Variants in AIG1 observed in about 807,000 individuals in gnomAD.
AIG1 encodes the protein androgen-induced gene 1 protein.
AIG1 carries 23 observed loss-of-function variants against 31.4 expected under a neutral mutation model. That is an observed-to-expected ratio of 0.73 (90% CI 0.53 to 1.04). AIG1 has a LOEUF of 1.04. Ranked by LOEUF, AIG1 falls within the 50% of genes least tolerant of loss-of-function variation. The pLI is 0.00. For synonymous variants in AIG1, 100 were observed against 110.5 expected (o/e 0.90, Z 0.60); for missense variants, 274 against 295.0 (o/e 0.93, Z 0.52).
chr6:143,146,101 A>G (rs971471450), intron 2 of AIG1, among the ~76,000 whole-genome samples: 2 of 152,212 alleles, frequency 1.3e-5, no homozygotes, highest in Admixed American at 6.5e-5. Context: ...AGAGATTCAG[A>G]CAACGGGTTC....
chr6:143,296,900 G>A (rs1242845414), intron 4 of AIG1, among the ~76,000 whole-genome samples: 1 of 152,190 alleles, frequency 6.6e-6, no homozygotes, highest in East Asian at 1.9e-4. Context: ...GGTACATCTT[G>A]ACTGGTGACA....
rs1248596890 is a variant in AIG1 at position 143,331,615 on chromosome 6, T to A, written c.516-1667T>A. Among the ~76,000 whole-genome samples, 2 of 152,102 alleles carry A rather than the reference T, an allele frequency of 1.3e-5. No individual in the cohort carries two copies. The highest frequency in any genetic ancestry group is 2.9e-5 in the Non-Finnish European group (2 of 68,022). On this transcript the variant is annotated intron_variant, in intron 4 of 5. Transcript: ENST00000357847. This position sits in a 1 kb window ranked among gnomAD's most constrained non-coding sequence, Gnocchi z 4.1. ...TTGTTTGTTCACCTACTGATGTGTT[T>A]CTATATACATATATGTACATCTGTG...
chr6:143,338,186 AGCTGAGG>A lies in AIG1; in HGVS notation c.680-1452_680-1446del. 1 of 395,944 alleles carries A rather than the reference AGCTGAGG, an allele frequency of 2.5e-6. No individual in the cohort carries two copies. Among genetic ancestry groups the A allele is most frequent in the Non-Finnish European group, 4.4e-6 (1 of 224,860 alleles). The allele number at this position is 395,944 out of a possible 1,614,324, so 24.5% of individuals were successfully genotyped here. ...TCCACAGGAGAGGGAATATGGACAG[AGCTGAGG>A]TTCAAGACACATGTGCTGTTTGAGC... On this transcript the variant is annotated intron_variant, in intron 5 of 5. Coordinates refer to ENST00000357847, the MANE Select transcript of AIG1 (RefSeq NM_016108.4). This position sits in a 1 kb window ranked among gnomAD's most constrained non-coding sequence, Gnocchi z 4.3.
At chr6:143,296,224 T>G (rs894606258) in intron 4 of AIG1, among the ~76,000 whole-genome samples, 3 of 152,156 alleles carry the variant, frequency 2.0e-5, no homozygotes, top group Non-Finnish European at 4.4e-5. Flanking sequence ...TTCATTTAAA[T>G]TGCCAACTGA....
chr6:143,309,098 A>T (rs1775052552), intron 4 of AIG1, among the ~76,000 whole-genome samples: 1 of 152,098 alleles, frequency 6.6e-6, no homozygotes, highest in African/African-American at 2.4e-5. Context: ...ATCAGAAATC[A>T]TGCAAGCAAG....
intron 4 of AIG1, among the ~76,000 whole-genome samples, chr6:143,324,844 G>C (rs1776476002): frequency 1.3e-5 from 2 of 152,108 alleles, no homozygotes; most frequent in South Asian, 2.1e-4. Flanking sequence ...AAATAGAAAG[G>C]TGACATAGCT....
intron 3 of AIG1, among the ~76,000 whole-genome samples, chr6:143,174,486 CAAAAAAA>C (rs71024844): frequency 3.4e-5 from 2 of 59,660 alleles, no homozygotes; most frequent in South Asian, 5.2e-4. Flanking sequence ...GACTCCGTCT[CAAAAAAA>C]AAAAAAAAAA....
At chr6:143,311,396 C>T (rs1453650660) in intron 4 of AIG1, among the ~76,000 whole-genome samples, 1 of 151,402 alleles carries the variant, frequency 6.6e-6, no homozygotes, top group Non-Finnish European at 1.5e-5. Flanking sequence ...GCATGTACCC[C>T]ATAAATATAT....
intron 3 of AIG1, among the ~76,000 whole-genome samples, chr6:143,250,928 C>T (rs919018240): frequency 3.9e-5 from 6 of 152,198 alleles, no homozygotes; most frequent in Non-Finnish European, 7.4e-5. Flanking sequence ...AGATTAGACA[C>T]CTCTGCTCTA....
chr6:143,296,377 C>T (rs559458326), intron 4 of AIG1, among the ~76,000 whole-genome samples: 6 of 152,210 alleles, frequency 3.9e-5, no homozygotes, highest in Non-Finnish European at 8.8e-5. Flanking sequence ...ATCATAACCT[C>T]TTCATTTCCC....
intron 2 of AIG1, among the ~76,000 whole-genome samples, chr6:143,151,145 T>A (rs911552379): frequency 9.9e-5 from 15 of 152,058 alleles, no homozygotes; most frequent in African/African-American, 3.4e-4. Flanking sequence ...CATAGGAAAA[T>A]TTTAAAGGCA....
intron 3 of AIG1, among the ~76,000 whole-genome samples, chr6:143,259,368 T>C (rs769387006): frequency 1.3e-5 from 2 of 152,198 alleles, no homozygotes; most frequent in Non-Finnish European, 2.9e-5. Flanking sequence ...TCTCTCCTTT[T>C]ATTTTCTTCC....
intron 2 of AIG1, among the ~76,000 whole-genome samples, chr6:143,158,434 A>G (rs148220620): frequency 1.1e-4 from 16 of 152,280 alleles, no homozygotes; most frequent in African/African-American, 3.9e-4. Flanking sequence ...TGTTTCTTCC[A>G]TCAGTCTCCC....
chr6:143,214,952 A>G (rs1427784492), intron 3 of AIG1, among the ~76,000 whole-genome samples: 1 of 151,952 alleles, frequency 6.6e-6, no homozygotes, highest in South Asian at 2.1e-4. Context: ...GTACAAATAT[A>G]CCGTGGTGTG....
chr6:143,182,299 G>A (rs987129641), intron 3 of AIG1, among the ~76,000 whole-genome samples: 2 of 152,162 alleles, frequency 1.3e-5, no homozygotes, highest in Admixed American at 6.5e-5. Context: ...CTCCCAAAGT[G>A]CTGAGATTAC....
chr6:143,333,150 C>T lies in AIG1; in HGVS notation c.516-132C>T. ...CAAGTTTCCAGTAGCTCCTGAGTAT[C>T]AGAAGCGAACTTGAGACTGGCAAAT... is the stretch of plus-strand genomic sequence containing the variant. On this transcript the variant is annotated intron_variant, in intron 4 of 5. Transcript: ENST00000357847. This position sits in a 1 kb window ranked among gnomAD's most constrained non-coding sequence, Gnocchi z 4.6. 1.2e-6 allele frequency: 1 copy of T among 861,886 alleles called. No homozygotes were observed. The highest frequency in any genetic ancestry group is 3.1e-5 in the South Asian group (1 of 31,760). The allele number at this position is 861,886 out of a possible 1,614,324, so 53.4% of individuals were successfully genotyped here. A position where few individuals can be genotyped will look rare whatever the true frequency, so the allele number is the denominator to read the frequency against.
At chr6:143,257,724 T>C (rs1795466569) in intron 3 of AIG1, among the ~76,000 whole-genome samples, 1 of 152,246 alleles carries the variant, frequency 6.6e-6, no homozygotes, top group African/African-American at 2.4e-5. Flanking sequence ...GTGTTTTTAA[T>C]CTGCTGTTTT....
chr6:143,104,555 C>T (rs181864161), intron 1 of AIG1, among the ~76,000 whole-genome samples: 54 of 152,262 alleles, frequency 3.5e-4, no homozygotes, highest in African/African-American at 1.1e-3. Context: ...CAGGTGTGAG[C>T]TCTTCTGTTT....
chr6:143,342,468 A>T, downstream of AIG1: 1 of 782,950 alleles, frequency 1.3e-6, no homozygotes, highest in Non-Finnish European at 2.4e-6. Flanking sequence ...TGAAGCATAC[A>T]AGAGAAGTGC....
Sources: gnomAD v4.1 joint callset for allele counts (sites outside exome capture counted in the v4.1 genomes callset) on GRCh38, gnomAD v4.1.1 for gene constraint, Gnocchi (gnomAD v3.1) non-coding constraint, MANE v1.5 for transcripts, NCBI Gene and HGNC (gene_info 2026-07-23, HGNC 2026-07-21) for gene names.